Variants in NME7 observed in about 807,000 individuals in gnomAD.
The protein encoded by NME7 is NME/NM23 family member 7.
A neutral mutation model predicts 49.1 loss-of-function variants in NME7; 41 were observed. The observed-to-expected ratio is 0.83, with a 90% CI of 0.65 to 1.08. The LOEUF is 1.08. NME7 is among the 50% of genes least tolerant of loss of function. The pLI, the probability that NME7 is intolerant of heterozygous loss-of-function variation, is 0.00. For missense variants in NME7, 423 were observed against 463.4 expected (o/e 0.91, Z 0.80); for synonymous variants, 139 against 150.6 (o/e 0.92, Z 0.56).
At chr1:169,166,833 A>C (rs563351587) in intron 11 of NME7, among the ~76,000 whole-genome samples, 1 of 152,258 alleles carries the variant, frequency 6.6e-6, no homozygotes, top group South Asian at 2.1e-4. Flanking sequence ...TTAGCTGGGC[A>C]TGGTGGCATG....
chr1:169,231,091 C>A (rs1239657975), intron 9 of NME7, among the ~76,000 whole-genome samples: 1 of 152,054 alleles, frequency 6.6e-6, no homozygotes, highest in African/African-American at 2.4e-5. Flanking sequence ...AGTATATCTT[C>A]CTTGCAAAGG....
intron 1 of NME7, among the ~76,000 whole-genome samples, chr1:169,349,774 T>C (rs1198905024): frequency 6.6e-6 from 1 of 152,174 alleles, no homozygotes; most frequent in East Asian, 1.9e-4. Context: ...TTTAAGGCTA[T>C]AGATTTCTCA....
chr1:169,310,040 C>T lies in NME7; in HGVS notation c.319G>A (p.Gly107Arg), dbSNP rs1265420654. ...LIKPDAISKA[G>R]EIIEIINKAG... Reference sequence around the variant, plus strand: ...TTGTTTATTATTTCAATTATTTCTCCAGCCTTTGATATTGCATCTGGTTTA... The same window carrying T: ...TTGTTTATTATTTCAATTATTTCTCTAGCCTTTGATATTGCATCTGGTTTA... Residue 107 changes from glycine (G) to arginine (R), a missense_variant, in exon 4 of 12, where the codon GGA (glycine) becomes AGA (arginine). Gly to Arg is a moderately radical substitution (Grantham distance 125). Coordinates refer to ENST00000367811, the MANE Select transcript of NME7 (RefSeq NM_013330.5). 2.5e-6 allele frequency: 4 copies of T among 1,608,470 alleles called. No homozygotes were observed. The highest frequency in any genetic ancestry group is 3.4e-5 in the Admixed American group (2 of 59,322).
At chr1:169,222,425 C>T (rs1376217811) in intron 10 of NME7, among the ~76,000 whole-genome samples, 1 of 151,864 alleles carries the variant, frequency 6.6e-6, no homozygotes. Flanking sequence ...TTCTTAGCTT[C>T]CTGGAAACTA....
In NME7 at chr1:169,259,482, G is replaced by A. The variant is rs548881252; in HGVS notation, c.755-21795C>T. Among the ~76,000 whole-genome samples, 6 of 133,942 alleles carry A rather than the reference G, an allele frequency of 4.5e-5. No individual in the cohort carries two copies. The South Asian group carries it at 1.4e-3, about 31-fold the overall frequency. 87.9% of individuals were successfully genotyped at this position (133,942 alleles called of 152,430 possible). A position where few individuals can be genotyped will look rare whatever the true frequency, so the allele number is the denominator to read the frequency against. On this transcript the variant is annotated intron_variant, in intron 7 of 11. Transcript: ENST00000367811. ...TTCCTTCTATTTGAAAGGGAAGGAA[G>A]AAAATGCAACAATGTAAACAGTTAG...
At position 169,202,033 on chromosome 1, in the gene NME7, T is replaced by C. The variant is rs531514338; in HGVS notation, c.990+28685A>G. ...AGTCTGGCAGCAGCAGCAGCAACAA[T>C]GGCATAATCATCACCATCATCACCA... On this transcript the variant is annotated intron_variant, in intron 10 of 11. Transcript: ENST00000367811. 7.2e-5 allele frequency among the ~76,000 whole-genome samples: 11 copies of C among 152,250 alleles called. 1 individual carries two copies. In the South Asian group the frequency reaches 2.3e-3, roughly 32 times the overall value.
intron 1 of NME7, among the ~76,000 whole-genome samples, chr1:169,344,658 T>G (rs1231477275): frequency 6.6e-6 from 1 of 152,206 alleles, no homozygotes; most frequent in Non-Finnish European, 1.5e-5. Context: ...TTCACTATTT[T>G]TTGTGTTATA....
rs943012033 is a variant in NME7, at chr1:169,214,143, A to C, written c.990+16575T>G. ...GGGGACAAACCAAGTATAAAGAATG[A>C]GAAAGTGCTCTTCAAGATAAAACGT... On this transcript the variant is annotated intron_variant, in intron 10 of 11. Coordinates refer to ENST00000367811, the MANE Select transcript of NME7 (RefSeq NM_013330.5). 7.2e-5 allele frequency among the ~76,000 whole-genome samples: 11 copies of C among 152,252 alleles called. No homozygotes were observed. In the East Asian group the frequency reaches 2.1e-3, roughly 29 times the overall value.
At chr1:169,325,679 G>A (rs1652033888) in intron 1 of NME7, among the ~76,000 whole-genome samples, 1 of 152,072 alleles carries the variant, frequency 6.6e-6, no homozygotes, top group Non-Finnish European at 1.5e-5. Flanking sequence ...AAATTTGGGG[G>A]TTCTTTTTAA....
chr1:169,305,903 A>C (rs1651154820), intron 4 of NME7, among the ~76,000 whole-genome samples: 1 of 152,222 alleles, frequency 6.6e-6, no homozygotes, highest in South Asian at 2.1e-4. Context: ...GTAACTTCCT[A>C]GCTTATAAAT....
chr1:169,229,095 C>G (rs1389909644), intron 10 of NME7, among the ~76,000 whole-genome samples: 1 of 152,192 alleles, frequency 6.6e-6, no homozygotes, highest in African/African-American at 2.4e-5. Context: ...CAAAATTAAG[C>G]TGCATACAAG....
chr1:169,236,768 G>C (rs1241299842), intron 8 of NME7, among the ~76,000 whole-genome samples: 2 of 147,902 alleles, frequency 1.4e-5, no homozygotes, highest in African/African-American at 5.0e-5. Context: ...TAGAACTCCA[G>C]TTTGTGTCCT....
At chr1:169,225,253 T>C (rs1647280621) in intron 10 of NME7, among the ~76,000 whole-genome samples, 1 of 152,118 alleles carries the variant, frequency 6.6e-6, no homozygotes, top group African/African-American at 2.4e-5. Flanking sequence ...GGATTACAGG[T>C]GCCCGCCACC....
chr1:169,134,009 CTG>C (rs1299512731), intron 11 of NME7, among the ~76,000 whole-genome samples: 1 of 152,170 alleles, frequency 6.6e-6, no homozygotes, highest in Non-Finnish European at 1.5e-5. Flanking sequence ...TTGTGTGTGT[CTG>C]TAACTTTCTC....
At chr1:169,187,736 T>C (rs1486415860) in intron 10 of NME7, among the ~76,000 whole-genome samples, 1 of 152,226 alleles carries the variant, frequency 6.6e-6, no homozygotes, top group Non-Finnish European at 1.5e-5. Context: ...AATTGGGGCA[T>C]TTAGCCCATT....
At chr1:169,237,139 T>C (rs1251141787) in intron 8 of NME7, among the ~76,000 whole-genome samples, 1 of 151,990 alleles carries the variant, frequency 6.6e-6, no homozygotes, top group African/African-American at 2.4e-5. Flanking sequence ...CCAACAGAGT[T>C]GCTAGAATAC....
intron 3 of NME7, among the ~76,000 whole-genome samples, chr1:169,315,244 T>C (rs12073439): frequency 0.043 from 6,572 of 151,534 alleles, 210 homozygotes; most frequent in East Asian, 0.12. Context: ...TAAACATTCC[T>C]TTCTTTTCTT....
intron 10 of NME7, among the ~76,000 whole-genome samples, chr1:169,225,176 T>A (rs1024535479): frequency 6.6e-6 from 1 of 152,198 alleles, no homozygotes; most frequent in Admixed American, 6.5e-5. Context: ...TGGTGCAATC[T>A]CAGCTCACTG....
chr1:169,247,458 T>C (rs1476188470), intron 7 of NME7, among the ~76,000 whole-genome samples: 2 of 152,172 alleles, frequency 1.3e-5, no homozygotes, highest in African/African-American at 2.4e-5. Flanking sequence ...CAGGGGCTAT[T>C]CTCATTATAT....
Sources: gnomAD v4.1 joint callset for allele counts (sites outside exome capture counted in the v4.1 genomes callset) on GRCh38, gnomAD v4.1.1 for gene constraint, MANE v1.5 for transcripts, NCBI Gene and HGNC (gene_info 2026-07-23, HGNC 2026-07-21) for gene names.